Variants in CHRNA7 observed in about 807,000 individuals in gnomAD.
CHRNA7 encodes the protein neuronal acetylcholine receptor subunit alpha-7.
A neutral mutation model predicts 48.0 loss-of-function variants in CHRNA7; 17 were observed. The observed-to-expected ratio is 0.35, with a 90% CI of 0.24 to 0.53. The LOEUF (loss-of-function observed/expected upper bound fraction) is 0.53. Ranked by LOEUF, CHRNA7 falls within the 20% of genes least tolerant of loss-of-function variation. CHRNA7 has a pLI of 0.92. For missense variants in CHRNA7, 155 were observed against 577.7 expected (o/e 0.27, Z 7.50); for synonymous variants, 75 against 242.3 (o/e 0.31, Z 6.41).
At chr15:32,039,255 TTTG>T (rs1451328927) in intron 2 of CHRNA7, among the ~76,000 whole-genome samples, 6 of 152,164 alleles carry the variant, frequency 3.9e-5, no homozygotes, top group Non-Finnish European at 4.4e-5. Flanking sequence ...TGTTTACAAT[TTTG>T]TTGATTTCTA....
intron 3 of CHRNA7, among the ~76,000 whole-genome samples, chr15:32,106,234 G>A (rs1261279235): frequency 6.6e-6 from 1 of 152,186 alleles, no homozygotes; most frequent in Non-Finnish European, 1.5e-5. Flanking sequence ...CATAAAAACG[G>A]CTCTAGCAAT....
intron 2 of CHRNA7, 93 bp downstream of exon 2, chr15:32,031,130 G>C (rs763428797): frequency 1.2e-5 from 18 of 1,507,422 alleles, no homozygotes; most frequent in Non-Finnish European, 1.5e-5. Context: ...GGTGGAGCTC[G>C]GCTGGGGCAC....
intron 2 of CHRNA7, among the ~76,000 whole-genome samples, chr15:32,097,205 A>G (rs2050485373): frequency 6.6e-6 from 1 of 151,904 alleles, no homozygotes; most frequent in Non-Finnish European, 1.5e-5. Flanking sequence ...GCCTGTGTGG[A>G]CTCTGCTCCT....
chr15:32,074,091 G>A (rs903677675), intron 2 of CHRNA7, among the ~76,000 whole-genome samples: 4 of 149,188 alleles, frequency 2.7e-5, no homozygotes, highest in African/African-American at 5.0e-5. Flanking sequence ...AAATGTTAAT[G>A]TATATTTAAT....
At chr15:32,099,293 A>G (rs2050529510) in intron 2 of CHRNA7, 1 of 152,268 alleles carries the variant, frequency 6.6e-6, no homozygotes, top group Admixed American at 6.5e-5. Context: ...TGGCCCGGAC[A>G]GGTGCCAAGA....
At chr15:32,116,808 T>C (rs1003632894) in intron 4 of CHRNA7, among the ~76,000 whole-genome samples, 2 of 152,232 alleles carry the variant, frequency 1.3e-5, no homozygotes, top group African/African-American at 2.4e-5. Context: ...TATTTAAAGA[T>C]GTTTTTGTTG....
At chr15:32,051,428 T>C (rs1450198141) in intron 2 of CHRNA7, among the ~76,000 whole-genome samples, 1 of 152,096 alleles carries the variant, frequency 6.6e-6, no homozygotes, top group Non-Finnish European at 1.5e-5. Context: ...TCAGTGAGAC[T>C]CCATGGGCGT....
chr15:32,038,056 G>GTATATATATATA (rs71424637), intron 2 of CHRNA7, among the ~76,000 whole-genome samples: 299 of 144,186 alleles, frequency 2.1e-3, no homozygotes, highest in African/African-American at 6.0e-3. Flanking sequence ...TTTTGGATAT[G>GTATATATATATA]TATATATATA....
intron 4 of CHRNA7, among the ~76,000 whole-genome samples, chr15:32,113,783 T>C (rs1168929204): frequency 6.6e-6 from 1 of 151,952 alleles, no homozygotes; most frequent in South Asian, 2.1e-4. Flanking sequence ...CAATTCGGAT[T>C]TTTTAAGTTT....
intron 2 of CHRNA7, among the ~76,000 whole-genome samples, chr15:32,058,157 A>G (rs955643865): frequency 6.6e-6 from 1 of 152,130 alleles, no homozygotes; most frequent in Non-Finnish European, 1.5e-5. Flanking sequence ...GCTGTTGAAG[A>G]TGATGTGTGG....
chr15:32,031,086 G>C (rs770216397), intron 2 of CHRNA7, 49 bp downstream of exon 2: 2 of 1,608,444 alleles, frequency 1.2e-6, no homozygotes, highest in Non-Finnish European at 8.5e-7. Flanking sequence ...CCTGGGCTCC[G>C]AGGGGCTTTT....
At chr15:32,137,047 G>GAAAAAAAAAA (rs1174484623) in intron 4 of CHRNA7, among the ~76,000 whole-genome samples, 1 of 123,534 alleles carries the variant, frequency 8.1e-6, no homozygotes, top group African/African-American at 3.2e-5. Flanking sequence ...AAAAAAAAAA[G>GAAAAAAAAAA]AAAAAAAAAA....
At chr15:32,059,213 A>G (rs1240422865) in intron 2 of CHRNA7, among the ~76,000 whole-genome samples, 1 of 152,150 alleles carries the variant, frequency 6.6e-6, no homozygotes, top group African/African-American at 2.4e-5. Context: ...CGTGTTGGCC[A>G]GGCTGGTCTC....
chr15:32,144,764 A>T (rs541111464), intron 4 of CHRNA7, among the ~76,000 whole-genome samples: 1 of 152,280 alleles, frequency 6.6e-6, no homozygotes, highest in Admixed American at 6.5e-5. Flanking sequence ...TTTCAGCTCC[A>T]TCAGGTCATT....
intron 2 of CHRNA7, among the ~76,000 whole-genome samples, chr15:32,089,493 A>G (rs2050349270): frequency 6.6e-6 from 1 of 152,156 alleles, no homozygotes; most frequent in Non-Finnish European, 1.5e-5. Flanking sequence ...CAACATGTTC[A>G]AATTGCATAC....
intron 4 of CHRNA7, among the ~76,000 whole-genome samples, chr15:32,153,194 G>A (rs1317117410): frequency 6.6e-6 from 1 of 152,142 alleles, no homozygotes; most frequent in East Asian, 1.9e-4. Context: ...GCTGAGGCGG[G>A]TGGATCACAA....
At chr15:32,060,932 A>G (rs1272438080) in intron 2 of CHRNA7, among the ~76,000 whole-genome samples, 2 of 152,182 alleles carry the variant, frequency 1.3e-5, no homozygotes, top group South Asian at 2.1e-4. Context: ...TAGCCACAGG[A>G]TGAGCACACC....
At chr15:32,112,269 A>G (rs1030558230) in intron 4 of CHRNA7, 15 of 464,712 alleles carry the variant, frequency 3.2e-5, no homozygotes, top group Non-Finnish European at 5.2e-5. Context: ...GTGCTGGCCT[A>G]TGGGATGCAC....
At chr15:32,085,172 C>G (rs1423454333) in intron 2 of CHRNA7, among the ~76,000 whole-genome samples, 1 of 152,088 alleles carries the variant, frequency 6.6e-6, no homozygotes, top group East Asian at 1.9e-4. Flanking sequence ...CTGTAGGTCA[C>G]TTCTAGTAGT....
Sources: gnomAD v4.1 joint callset for allele counts (sites outside exome capture counted in the v4.1 genomes callset) on GRCh38, gnomAD v4.1.1 for gene constraint, MANE v1.5 for transcripts, NCBI Gene and HGNC (gene_info 2026-07-23, HGNC 2026-07-21) for gene names.